The following ANXA1 variants were observed in gnomAD, a reference collection of about 807,000 sequenced individuals.
The protein encoded by ANXA1 is annexin I (lipocortin I).
ANXA1 carries 39 observed loss-of-function variants against 47.9 expected under a neutral mutation model. The ratio of observed to expected loss-of-function variants is 0.81; its 90% CI spans 0.63 to 1.06. The LOEUF (loss-of-function observed/expected upper bound fraction) is 1.06, where lower values mean the gene tolerates loss of function less well. ANXA1 is among the 50% of genes least tolerant of loss of function. The pLI, the probability that ANXA1 is intolerant of heterozygous loss-of-function variation, is 0.00. For missense variants in ANXA1, 446 were observed against 422.7 expected (o/e 1.06, Z -0.48); for synonymous variants, 146 against 142.5 (o/e 1.02, Z -0.17).
At chr9:73,160,700 C>A in intron 5 of ANXA1, 103 bp from the exon 6 acceptor site, 1 of 768,922 alleles carries the variant, frequency 1.3e-6, no homozygotes, top group Non-Finnish European at 2.2e-6. Context: ...GTGAAATTTA[C>A]TAAATGACAG....
At chr9:73,162,716 A>T (rs1824163469) in intron 6 of ANXA1, 66 bp from the exon 7 acceptor site, 1 of 1,227,518 alleles carries the variant, frequency 8.1e-7, no homozygotes, top group African/African-American at 1.5e-5. Flanking sequence ...CAACTTAGAG[A>T]TGTCAGATAT....
At position 73,158,767 on chromosome 9, in the gene ANXA1, G is replaced by A. The variant is rs867127271; in HGVS notation, c.139G>A (p.Asp47Asn). The A allele has an allele frequency of 1.9e-6, 3 of 1,613,854 alleles. No homozygotes were observed. The highest frequency in any genetic ancestry group is 2.5e-6 in the Non-Finnish European group (3 of 1,179,880). The change falls in exon 3 of 13, where the codon GAT (aspartate) becomes AAT (asparagine). Residue 47 changes from aspartate to asparagine, a missense_variant. Physicochemically the swap from Asp to Asn is conservative, Grantham distance 23. Coordinates refer to ENST00000257497, the MANE Select transcript of ANXA1 (RefSeq NM_000700.3). ...CTATCCTACCTTCAATCCATCCTCG[G>A]ATGTCGCTGCCTTGCATAAGGCCAT... ...SPYPTFNPSS[D>N]VAALHKAIMV...
intron 1 of ANXA1, among the ~76,000 whole-genome samples, chr9:73,153,655 T>C (rs1436542540): frequency 6.6e-6 from 1 of 152,210 alleles, no homozygotes; most frequent in African/African-American, 2.4e-5. Context: ...AATTTGTATT[T>C]TATATCCTAT....
At chr9:73,166,264 A>T (rs1025058245) in intron 10 of ANXA1, 72 bp downstream of exon 10, 20 of 1,067,116 alleles carry the variant, frequency 1.9e-5, no homozygotes, top group Non-Finnish European at 2.7e-5. Context: ...ATACTTAACA[A>T]GAACAACAGC....
At chr9:73,165,419 G>C (rs1824211103) in intron 9 of ANXA1, 1 of 402,116 alleles carries the variant, frequency 2.5e-6, no homozygotes, top group Admixed American at 4.2e-5. Flanking sequence ...TGTGACTTGG[G>C]CATGTGGAAC....
chr9:73,154,232 C>T (rs987703213), intron 1 of ANXA1: 3 of 1,147,330 alleles, frequency 2.6e-6, no homozygotes, highest in East Asian at 1.0e-4. Flanking sequence ...AATACATATT[C>T]GAGGAAAAAC....
chr9:73,163,066 A>G (rs1824169915), intron 7 of ANXA1, among the ~76,000 whole-genome samples: 1 of 152,188 alleles, frequency 6.6e-6, no homozygotes, highest in African/African-American at 2.4e-5. Context: ...CACTCCTGAC[A>G]GAAGAGGAAA....
intron 8 of ANXA1, among the ~76,000 whole-genome samples, chr9:73,164,498 T>A (rs1260220376): frequency 6.6e-6 from 1 of 152,164 alleles, no homozygotes; most frequent in East Asian, 1.9e-4. Flanking sequence ...GGGTTCTTAA[T>A]ATATATTTAT....
chr9:73,154,522 G>A (rs1008839015), intron 1 of ANXA1, among the ~76,000 whole-genome samples: 4 of 151,790 alleles, frequency 2.6e-5, no homozygotes, highest in Admixed American at 1.3e-4. Context: ...TGCAGCCTCC[G>A]CCTCTTCCTG....
intron 4 of ANXA1, 83 bp downstream of exon 4, chr9:73,159,506 C>A (rs1824103438): frequency 8.6e-7 from 1 of 1,164,502 alleles, no homozygotes; most frequent in Non-Finnish European, 1.3e-6. Context: ...TTACCTAGTT[C>A]TTTAAGGTTC....
chr9:73,163,563 G>A (rs1204677043), intron 8 of ANXA1, 31 bp downstream of exon 8: 1 of 1,610,008 alleles, frequency 6.2e-7, no homozygotes, highest in South Asian at 1.1e-5. Context: ...TACTGCTGCA[G>A]TTCATCTTCC....
rs1317320988 is a variant in ANXA1 at position 73,163,632 on chromosome 9, A to G, written c.612+100A>G. The G allele has an allele frequency of 1.3e-5, 15 of 1,190,658 alleles. No homozygotes were observed. In the Admixed American group the frequency reaches 2.6e-4, roughly 21 times the overall value. 73.8% of individuals were successfully genotyped at this position (1,190,658 alleles called of 1,614,324 possible). On this transcript the variant is annotated intron_variant, in intron 8 of 12. Transcript: ENST00000257497. Reference sequence around the variant, plus strand: ...GAAAGCAAATCTAAGATCTTCTGAGAGACCAATGGCTTCTTAATGTTCATT... The same window carrying G: ...GAAAGCAAATCTAAGATCTTCTGAGGGACCAATGGCTTCTTAATGTTCATT...
chr9:73,167,093 G>T (rs1824243808), intron 10 of ANXA1, among the ~76,000 whole-genome samples: 2 of 152,028 alleles, frequency 1.3e-5, no homozygotes, highest in Non-Finnish European at 2.9e-5. Context: ...TTCTCTCCCT[G>T]CCCTCTCTAG....
At chr9:73,160,409 T>G in intron 5 of ANXA1, 33 bp downstream of exon 5, 1 of 1,458,834 alleles carries the variant, frequency 6.9e-7, no homozygotes, top group South Asian at 1.3e-5. Flanking sequence ...ACTCCTTTCC[T>G]CAAGAGGATG....
At chr9:73,153,212 G>A (rs1823997796) in intron 1 of ANXA1, among the ~76,000 whole-genome samples, 1 of 152,156 alleles carries the variant, frequency 6.6e-6, no homozygotes, top group South Asian at 2.1e-4. Flanking sequence ...ACCAGCCAGA[G>A]TTTCATGCTT....
At chr9:73,164,715 A>T (rs964997837) in intron 8 of ANXA1, among the ~76,000 whole-genome samples, 1 of 152,196 alleles carries the variant, frequency 6.6e-6, no homozygotes, top group Non-Finnish European at 1.5e-5. Flanking sequence ...AAATTCTAAC[A>T]TCAAAATGCA....
At chr9:73,161,005 T>C (rs1824134135) in intron 6 of ANXA1, 112 bp downstream of exon 6, 3 of 687,346 alleles carry the variant, frequency 4.4e-6, no homozygotes, top group Non-Finnish European at 7.4e-6. Flanking sequence ...TCTCCACATA[T>C]CAAAATGTTT....
At chr9:73,166,440 T>C (rs1824231076) in intron 10 of ANXA1, among the ~76,000 whole-genome samples, 1 of 152,216 alleles carries the variant, frequency 6.6e-6, no homozygotes, top group South Asian at 2.1e-4. Context: ...CACCTACTTA[T>C]ATCAAACAAT....
Position 73,163,504 on chromosome 9 carries a change from A to C in ANXA1, c.584A>C (p.Asn195Thr). Residue 195 changes from asparagine to threonine, a missense_variant, in exon 8 of 13, where the codon AAT becomes ACT. Transcript: ENST00000257497. ...GACCGATCTGAGGACTTTGGTGTGA[A>C]TGAAGACTTGGCTGATTCAGATGCC... ...KGDRSEDFGVNEDLADSDARA... is the reference protein window; with the variant it reads ...KGDRSEDFGVTEDLADSDARA... The C allele has an allele frequency of 6.2e-7, 1 of 1,613,022 alleles. No homozygotes were observed. The highest frequency in any genetic ancestry group is 8.5e-7 in the Non-Finnish European group (1 of 1,179,220).
Sources: allele counts gnomAD v4.1 joint callset (sites outside exome capture counted in the v4.1 genomes callset), GRCh38; gene constraint gnomAD v4.1.1; transcripts MANE v1.5; gene names NCBI Gene and HGNC (gene_info 2026-07-23, HGNC 2026-07-21).